GNA12: variants seen among roughly 807,000 people sequenced by gnomAD.
GNA12 encodes the protein guanine nucleotide-binding protein subunit alpha-12.
Under a neutral mutation model 26.0 loss-of-function variants are expected in GNA12, and 9 were observed. The observed-to-expected ratio is 0.35, with a 90% CI of 0.21 to 0.60. The LOEUF (loss-of-function observed/expected upper bound fraction) is 0.60, where lower values mean the gene tolerates loss of function less well. GNA12 is among the 20% of genes least tolerant of loss of function. The pLI is 0.78. For synonymous variants in GNA12, 264 were observed against 219.6 expected (o/e 1.20, Z -1.79); for missense variants, 405 against 525.8 (o/e 0.77, Z 2.25).
chr7:2,815,374 A>G (rs1027006670), intron 1 of GNA12: 19 of 189,318 alleles, frequency 1.0e-4, no homozygotes, highest in Admixed American at 1.7e-4. Flanking sequence ...TCACGCACGA[A>G]GACCCTGAGC....
Position 2,731,741 on chromosome 7 carries a change from G to C in GNA12, c.586C>G (p.Pro196Ala), listed in dbSNP as rs1276285181. Residue 196 changes from proline (P) to alanine (A), a missense_variant, in exon 4 of 4, where the codon CCT (proline) becomes GCT (alanine). Coordinates refer to ENST00000275364, the MANE Select transcript of GNA12 (RefSeq NM_007353.3). The surrounding 1 kb of genome is among the most constrained non-coding windows in gnomAD (Gnocchi z 6.0). ...GCCAGCAGGATATCTTGCTTACTAG[G>C]AAAGTAATTCTGTAAAATACAGGAT... is the stretch of plus-strand genomic sequence containing the variant. ...LDRIGQLNYF[P>A]SKQDILLARK... 2 of 1,519,732 alleles carry C rather than the reference G, an allele frequency of 1.3e-6. No homozygotes were observed. The highest frequency in any genetic ancestry group is 1.8e-6 in the Non-Finnish European group (2 of 1,125,742). 94.1% of individuals were successfully genotyped at this position (1,519,732 alleles called of 1,614,324 possible).
chr7:2,832,241 G>A (rs1778694149), intron 1 of GNA12, among the ~76,000 whole-genome samples: 1 of 152,144 alleles, frequency 6.6e-6, no homozygotes, highest in African/African-American at 2.4e-5. Context: ...CTCATGCCCT[G>A]TCCTCCCGTT....
At chr7:2,812,729 C>T (rs78097760) in intron 1 of GNA12, among the ~76,000 whole-genome samples, 3,100 of 131,204 alleles carry the variant, frequency 0.024, 70 homozygotes, top group Middle Eastern at 0.11. Context: ...TCACAGCCAC[C>T]TTCTACGATG....
At chr7:2,804,061 A>G (rs1394130825) in intron 1 of GNA12, among the ~76,000 whole-genome samples, 1 of 152,224 alleles carries the variant, frequency 6.6e-6, no homozygotes, top group African/African-American at 2.4e-5. Context: ...CATGACAAAC[A>G]CTAGTACAAG....
intron 2 of GNA12, among the ~76,000 whole-genome samples, chr7:2,743,881 C>G (rs888293660): frequency 6.6e-6 from 1 of 152,114 alleles, no homozygotes; most frequent in Non-Finnish European, 1.5e-5. Context: ...CATCCCGCAC[C>G]TGGCTCGGAG....
rs78752426 is a variant in GNA12 at position 2,777,390 on chromosome 7, T to A, written c.525+17538A>T. Reference sequence around the variant, plus strand: ...GCCTGAAAGGGCGAAGCTATATGTTTGGAAATGGAAAGGAAGACCAAATGT... The same window carrying A: ...GCCTGAAAGGGCGAAGCTATATGTTAGGAAATGGAAAGGAAGACCAAATGT... On this transcript the variant is annotated intron_variant, in intron 2 of 3. Coordinates refer to ENST00000275364, the MANE Select transcript of GNA12 (RefSeq NM_007353.3). 9.8e-3 allele frequency among the ~76,000 whole-genome samples: 1,491 copies of A among 152,372 alleles called. 17 individuals carry two copies. Among genetic ancestry groups the A allele is most frequent in the African/African-American group, 0.034 (1,398 of 41,588 alleles).
chr7:2,778,231 C>T (rs1792128763), intron 2 of GNA12, among the ~76,000 whole-genome samples: 1 of 152,176 alleles, frequency 6.6e-6, no homozygotes, highest in Non-Finnish European at 1.5e-5. Flanking sequence ...AAAGTCATAA[C>T]AACTTAATAA....
At chr7:2,750,250 G>C (rs890559078) in intron 2 of GNA12, among the ~76,000 whole-genome samples, 1 of 152,208 alleles carries the variant, frequency 6.6e-6, no homozygotes, top group Admixed American at 6.5e-5. Flanking sequence ...AGACCCATCA[G>C]AGAGCTGAGA....
At chr7:2,831,915 A>T (rs1379880796) in intron 1 of GNA12, among the ~76,000 whole-genome samples, 1 of 152,194 alleles carries the variant, frequency 6.6e-6, no homozygotes, top group Non-Finnish European at 1.5e-5. Context: ...GACTTTAAGT[A>T]ATGACTCCCT....
At chr7:2,803,615 T>A (rs1443951966) in intron 1 of GNA12, among the ~76,000 whole-genome samples, 2 of 151,942 alleles carry the variant, frequency 1.3e-5, no homozygotes, top group Non-Finnish European at 2.9e-5. Flanking sequence ...TTAGAAGGGG[T>A]GACATTTAGG....
intron 1 of GNA12, chr7:2,814,369 A>G: frequency 6.2e-7 from 1 of 1,600,132 alleles, no homozygotes; most frequent in African/African-American, 1.3e-5. Flanking sequence ...TTCGGTTTCC[A>G]TCTGGTGTGC....
intron 2 of GNA12, among the ~76,000 whole-genome samples, chr7:2,768,821 G>T (rs1329440421): frequency 6.6e-6 from 1 of 151,624 alleles, no homozygotes; most frequent in Non-Finnish European, 1.5e-5. Flanking sequence ...TATATTGTAT[G>T]TGGAGAAATC....
chr7:2,762,616 G>C, intron 2 of GNA12: 1 of 1,549,844 alleles, frequency 6.5e-7, no homozygotes, highest in Non-Finnish European at 8.7e-7. Context: ...TCCCCTTCCG[G>C]ATAAGACCCC....
At chr7:2,759,021 T>A (rs999098698) in intron 2 of GNA12, among the ~76,000 whole-genome samples, 3 of 151,812 alleles carry the variant, frequency 2.0e-5, no homozygotes, top group African/African-American at 7.3e-5. Context: ...GCGCCTGTAA[T>A]CCCAGCTACT....
chr7:2,734,459 T>C (rs1790056536), intron 2 of GNA12, among the ~76,000 whole-genome samples: 1 of 152,064 alleles, frequency 6.6e-6, no homozygotes, highest in African/African-American at 2.4e-5. Context: ...CTCATGGAAA[T>C]GTACAGGGGC....
At chr7:2,809,170 C>T (rs1793018461) in intron 1 of GNA12, among the ~76,000 whole-genome samples, 1 of 152,182 alleles carries the variant, frequency 6.6e-6, no homozygotes, top group South Asian at 2.1e-4. Flanking sequence ...GATTCTCTCC[C>T]CACCGAGCAC....
rs955381925 is a variant in GNA12, at chr7:2,794,973, A to G, written c.480T>C (p.Asp160=). 7 of 1,614,000 alleles carry G rather than the reference A, an allele frequency of 4.3e-6. No individual in the cohort carries two copies. In the Admixed American group the frequency reaches 1.2e-4, roughly 27 times the overall value. Residue 160 remains aspartate, a synonymous_variant, in exon 2 of 4, where the codon GAT becomes GAC. Transcript: ENST00000275364. Reference sequence around the variant, plus strand: ...GGCTGAAAGCCTCCCTGATGCCAGAATCCCTCCAGAGTGCGCTCAGGGCCG... The same window carrying G: ...GGCTGAAAGCCTCCCTGATGCCAGAGTCCCTCCAGAGTGCGCTCAGGGCCG... The part of the protein sequence containing the change: ...YVPALSALWR[D]SGIREAFSRR...
chr7:2,799,117 G>A (rs564043699), intron 1 of GNA12, among the ~76,000 whole-genome samples: 4 of 152,272 alleles, frequency 2.6e-5, no homozygotes, highest in East Asian at 3.9e-4. Flanking sequence ...TGATTCACAC[G>A]AGAAAAATTA....
At chr7:2,763,191 A>ACACACACACACACACAC (rs1791652924) in intron 2 of GNA12, 8 of 222,640 alleles carry the variant, frequency 3.6e-5, no homozygotes, top group Non-Finnish European at 3.8e-5. Context: ...AAGACACCCC[A>ACACACACACACACACAC]ACACACACAC....
Sources: allele counts gnomAD v4.1 joint callset (sites outside exome capture counted in the v4.1 genomes callset), GRCh38; gene constraint gnomAD v4.1.1; non-coding constraint Gnocchi (gnomAD v3.1); transcripts MANE v1.5; gene names NCBI Gene and HGNC (gene_info 2026-07-23, HGNC 2026-07-21).